The following DISP3 variants were observed in gnomAD, a reference collection of about 807,000 sequenced individuals.
DISP3 encodes protein dispatched homolog 3.
In DISP3, 101 loss-of-function variants were observed where a neutral mutation model predicts 135.3. The observed-to-expected ratio is 0.75, with a 90% CI of 0.64 to 0.88. The LOEUF is 0.88. DISP3 is among the 40% of genes least tolerant of loss of function. The pLI is 0.00. For missense variants in DISP3, 1,713 were observed against 1,878.6 expected (o/e 0.91, Z 1.63); for synonymous variants, 856 against 817.0 (o/e 1.05, Z -0.81).
At position 11,514,471 on chromosome 1, in the gene DISP3, C is replaced by T. The variant is rs779701579; in HGVS notation, c.1398C>T (p.Ala466=). The change falls in exon 4 of 21, where the codon GCC becomes GCT. Residue 466 remains alanine, a synonymous_variant. Transcript: ENST00000294484. The part of the protein sequence containing the change: ...RRTFNNDMLL[A]FISSSCIAAL... ...CGTTCAACAATGACATGCTCCTGGC[C>T]TTCATCAGCAGCAGCTGCATTGCTG... is the stretch of plus-strand genomic sequence containing the variant. 1.2e-6 allele frequency: 2 copies of T among 1,614,136 alleles called. No homozygotes were observed. The highest frequency in any genetic ancestry group is 1.7e-6 in the Non-Finnish European group (2 of 1,179,966).
In DISP3 at chr1:11,535,070, GCCGTGTTCACCACCCACAT is replaced by G; in HGVS notation, c.3598_3616del (p.Val1200CysfsTer18). 6.2e-7 allele frequency: 1 copy of G among 1,608,536 alleles called. No individual in the cohort carries two copies. Among genetic ancestry groups the G allele is most frequent in the Non-Finnish European group, 8.5e-7 (1 of 1,178,528 alleles). The stretch of plus-strand genomic sequence containing the variant: ...CCTGCTCATCTGCGTGGCCGCGGTG[GCCGTGTTCACCACCCACAT>G]CCTGCTCCTGCTGCCCGTGCTCCTC... On this transcript the variant is annotated frameshift_variant, in exon 19 of 21. Coordinates refer to ENST00000294484, the MANE Select transcript of DISP3 (RefSeq NM_020780.2). LOFTEE classifies it high-confidence loss of function.
At chr1:11,526,569 G>T (rs1041882683) in intron 12 of DISP3, 82 bp from the exon 13 acceptor site, 1 of 1,444,224 alleles carries the variant, frequency 6.9e-7, no homozygotes. Flanking sequence ...GCCGAGGAGG[G>T]AGGGGACGGA....
intron 11 of DISP3, among the ~76,000 whole-genome samples, chr1:11,524,959 C>T (rs1187042345): frequency 6.6e-6 from 1 of 151,118 alleles, no homozygotes; most frequent in Non-Finnish European, 1.5e-5. Context: ...ACCACCTCCC[C>T]CACCATCCCT....
chr1:11,517,045 C>T (rs1312859821), intron 6 of DISP3, among the ~76,000 whole-genome samples: 1 of 152,206 alleles, frequency 6.6e-6, no homozygotes, highest in African/African-American at 2.4e-5. Flanking sequence ...ACCCATTGCT[C>T]CTAGTCCCCA....
At chr1:11,509,157 C>T (rs531689438) in intron 3 of DISP3, among the ~76,000 whole-genome samples, 5 of 151,866 alleles carry the variant, frequency 3.3e-5, no homozygotes, top group African/African-American at 9.7e-5. Flanking sequence ...TTCTTTGACC[C>T]GTGTATAACT....
At position 11,516,220 on chromosome 1, in the gene DISP3, G is replaced by A. The variant is rs769833069; in HGVS notation, c.1749+59G>A. 8.4e-5 allele frequency: 132 copies of A among 1,567,210 alleles called. No individual in the cohort carries two copies. The highest frequency in any genetic ancestry group is 1.1e-4 in the Non-Finnish European group (124 of 1,149,812). ...CCCACACGCTCATGCATACCTAGCC[G>A]CTGGTCTCTGCCCTTCCCACCACCG... On this transcript the variant is annotated intron_variant, in intron 6 of 20. Coordinates refer to ENST00000294484, the MANE Select transcript of DISP3 (RefSeq NM_020780.2). This position sits in a 1 kb window ranked among gnomAD's most constrained non-coding sequence, Gnocchi z 5.1.
In DISP3 at chr1:11,516,140, C is replaced by T. The variant is rs934206480; in HGVS notation, c.1728C>T (p.Tyr576=). Residue 576 remains tyrosine, a synonymous_variant, in exon 6 of 21, where the codon TAC becomes TAT. Coordinates refer to ENST00000294484, the MANE Select transcript of DISP3 (RefSeq NM_020780.2). This position sits in a 1 kb window ranked among gnomAD's most constrained non-coding sequence, Gnocchi z 5.1. ...FFTSLTTAAA[Y]AANVFSQIPA... ...CCTCCCTGACCACAGCCGCCGCCTA[C>T]GCAGCTAACGTCTTCTCCCAGGTGC... 57 of 1,613,988 alleles carry T rather than the reference C, an allele frequency of 3.5e-5. No homozygotes were observed. The highest frequency in any genetic ancestry group is 4.4e-5 in the Non-Finnish European group (52 of 1,179,980).
intron 6 of DISP3, among the ~76,000 whole-genome samples, chr1:11,517,176 C>T (rs1642036126): frequency 6.6e-6 from 1 of 152,206 alleles, no homozygotes; most frequent in African/African-American, 2.4e-5. Flanking sequence ...AGCTACTGAC[C>T]ACTGCCTCTG....
chr1:11,524,176 G>A, intron 11 of DISP3, 121 bp downstream of exon 11: 1 of 775,906 alleles, frequency 1.3e-6, no homozygotes, highest in Non-Finnish European at 2.1e-6. Context: ...TGTGTTCCTG[G>A]TCACTGCAGA....
At chr1:11,512,246 C>T (rs1641876799) in intron 3 of DISP3, among the ~76,000 whole-genome samples, 1 of 152,134 alleles carries the variant, frequency 6.6e-6, no homozygotes, top group Non-Finnish European at 1.5e-5. Flanking sequence ...GAATTTCTCC[C>T]CAGAAAATGG....
intron 13 of DISP3, among the ~76,000 whole-genome samples, chr1:11,528,980 G>A (rs1642503274): frequency 6.6e-6 from 1 of 152,158 alleles, no homozygotes; most frequent in Admixed American, 6.5e-5. Context: ...CCTCCCCTGA[G>A]CCCCAGGCTG....
Position 11,531,301 on chromosome 1 carries a change from C to T in DISP3, c.3230-264C>T, listed in dbSNP as rs1642570719. Among the ~76,000 whole-genome samples the T allele has an allele frequency of 6.6e-6, 1 of 152,062 alleles. No individual in the cohort carries two copies. Among genetic ancestry groups the T allele is most frequent in the Admixed American group, 6.5e-5 (1 of 15,280 alleles). ...GATGGGGGCACATCTGCGGGAGTAG[C>T]TTTTCCAAAATTAGGGGGCGGGGCC... On this transcript the variant is annotated intron_variant, in intron 16 of 20. Transcript: ENST00000294484. This position sits in a 1 kb window ranked among gnomAD's most constrained non-coding sequence, Gnocchi z 5.2.
In DISP3 at chr1:11,536,810, G is replaced by C. The variant is rs531230204; in HGVS notation, c.*124G>C. 1 of 1,277,614 alleles carries C rather than the reference G, an allele frequency of 7.8e-7. No homozygotes were observed. The highest frequency in any genetic ancestry group is 1.6e-5 in the South Asian group (1 of 63,348). The allele number at this position is 1,277,614 out of a possible 1,614,324, so 79.1% of individuals were successfully genotyped here. Reference sequence around the variant, plus strand: ...GGCCCAGGGCGCCCTGCGGGCCAGCGTGGAGGCTGACACCCACACAGATGG... The same window carrying C: ...GGCCCAGGGCGCCCTGCGGGCCAGCCTGGAGGCTGACACCCACACAGATGG... On this transcript the variant is annotated 3_prime_UTR_variant, in exon 21 of 21. Transcript: ENST00000294484. This position sits in a 1 kb window ranked among gnomAD's most constrained non-coding sequence, Gnocchi z 4.3.
chr1:11,507,799 C>T (rs189588312), intron 3 of DISP3, among the ~76,000 whole-genome samples: 1 of 152,332 alleles, frequency 6.6e-6, no homozygotes, highest in East Asian at 1.9e-4. Context: ...TTTCTTTCAA[C>T]TTGAGAGTAA....
At position 11,531,650 on chromosome 1, in the gene DISP3, C is replaced by T. The variant is rs910011110; in HGVS notation, c.3315C>T (p.Ser1105=). ...CCAACCTGCTCCCGGGGCAGCTGTC[C>T]CACGGGGCAGTGGGCGTCAGGGAGG... ...PEPNLLPGQL[S]HGAVGVREGR... is the part of the protein sequence containing the mutation. Residue 1105 remains serine (S), a synonymous_variant, in exon 17 of 21, where the codon TCC becomes TCT. Coordinates refer to ENST00000294484, the MANE Select transcript of DISP3 (RefSeq NM_020780.2). The surrounding 1 kb of genome is among the most constrained non-coding windows in gnomAD (Gnocchi z 5.2). 5.0e-6 allele frequency: 8 copies of T among 1,613,074 alleles called. No individual in the cohort carries two copies. Among genetic ancestry groups the T allele is most frequent in the Admixed American group, 1.7e-5 (1 of 59,972 alleles).
rs200654512 is a variant in DISP3 at position 11,535,031 on chromosome 1, G to A, written c.3556G>A (p.Gly1186Ser). 25 of 1,595,326 alleles carry A rather than the reference G, an allele frequency of 1.6e-5. No individual in the cohort carries two copies. Among genetic ancestry groups the A allele is most frequent in the African/African-American group, 8.0e-5 (6 of 74,780 alleles). Residue 1186 changes from glycine (G) to serine (S), a missense_variant, in exon 19 of 21, where the codon GGC (glycine) becomes AGC (serine). This residue lies in a region of DISP3 where 1,142 missense variants were observed against 1,384.6 expected (regional missense o/e 0.82). Transcript: ENST00000294484. ...TGCAGGGGTGCAGAGCGCCCTGTGC[G>A]GCCTGGTGCTATCCCTGCTCATCTG... ...EIVGVQSALC[G>S]LVLSLLICVA...
intron 1 of DISP3, among the ~76,000 whole-genome samples, chr1:11,488,885 A>C (rs1641109523): frequency 1.3e-5 from 2 of 152,202 alleles, no homozygotes; most frequent in Non-Finnish European, 2.9e-5. Flanking sequence ...CTAGGAGGAG[A>C]AAACCTACGC....
intron 7 of DISP3, 43 bp downstream of exon 7, chr1:11,517,645 C>T: frequency 6.2e-7 from 1 of 1,605,508 alleles, no homozygotes; most frequent in Non-Finnish European, 8.5e-7. Context: ...GTATCCACAA[C>T]AGGCCTCTAT....
chr1:11,531,512 G>A lies in DISP3; in HGVS notation c.3230-53G>A. On this transcript the variant is annotated intron_variant, in intron 16 of 20. Coordinates refer to ENST00000294484, the MANE Select transcript of DISP3 (RefSeq NM_020780.2). The surrounding 1 kb of genome is among the most constrained non-coding windows in gnomAD (Gnocchi z 5.2). Reference sequence around the variant, plus strand: ...GCGTGGGCACAGGTGTGATGCAGGGGGACAGGCTCTTCCAGGGCCACCACG... The same window carrying A: ...GCGTGGGCACAGGTGTGATGCAGGGAGACAGGCTCTTCCAGGGCCACCACG... The A allele has an allele frequency of 6.2e-7, 1 of 1,611,350 alleles. No homozygotes were observed. Among genetic ancestry groups the A allele is most frequent in the Non-Finnish European group, 8.5e-7 (1 of 1,178,706 alleles).
Sources: allele counts gnomAD v4.1 joint callset (sites outside exome capture counted in the v4.1 genomes callset), GRCh38; gene constraint gnomAD v4.1.1; regional missense constraint gnomAD v4.1.1; non-coding constraint Gnocchi (gnomAD v3.1); transcripts MANE v1.5; gene names NCBI Gene and HGNC (gene_info 2026-07-23, HGNC 2026-07-21).